MICAL2: variants seen among roughly 807,000 people sequenced by gnomAD.
The protein encoded by MICAL2 is [F-actin]-monooxygenase MICAL2.
In MICAL2, 77 loss-of-function variants were observed where a neutral mutation model predicts 127.3. The ratio of observed to expected loss-of-function variants is 0.60; its 90% CI spans 0.50 to 0.73. MICAL2 has a LOEUF of 0.73. MICAL2 is among the 30% of genes least tolerant of loss of function. MICAL2 has a pLI of 0.00. For missense variants in MICAL2, 1,351 were observed against 1,434.4 expected (o/e 0.94, Z 0.94); for synonymous variants, 570 against 551.1 (o/e 1.03, Z -0.48).
chr11:12,361,776 A>G (rs532426091), downstream of MICAL2, among the ~76,000 whole-genome samples: 5 of 152,376 alleles, frequency 3.3e-5, no homozygotes, highest in East Asian at 9.6e-4. Context: ...GCAGATTTAC[A>G]GGCTTTTCCT....
chr11:12,119,655 G>T (rs570622517), intron 1 of MICAL2, among the ~76,000 whole-genome samples: 1 of 152,156 alleles, frequency 6.6e-6, no homozygotes, highest in African/African-American at 2.4e-5. Context: ...GGCCGCCTGC[G>T]GATTGGCTGG....
chr11:12,261,139 G>A (rs1406949185), intron 26 of MICAL2: 1 of 985,522 alleles, frequency 1.0e-6, no homozygotes. Context: ...TTGGGACTGA[G>A]GGGGTTTGTT....
At chr11:12,276,240 T>A in intron 1 of MICAL2, 2 of 398,594 alleles carry the variant, frequency 5.0e-6, no homozygotes, top group Non-Finnish European at 8.8e-6. Context: ...GATTGGGTCT[T>A]CTCTCTACTT....
chr11:12,287,970 G>A (rs146852717), downstream of MICAL2, among the ~76,000 whole-genome samples: 52 of 152,264 alleles, frequency 3.4e-4, 1 homozygote, highest in South Asian at 7.5e-3. Flanking sequence ...GCTTAGACAG[G>A]GGTTTCTACC....
chr11:12,313,093 GA>G (rs1272562818), intron 29 of MICAL2, among the ~76,000 whole-genome samples: 3 of 149,174 alleles, frequency 2.0e-5, no homozygotes, highest in Admixed American at 6.8e-5. Flanking sequence ...GCGTGAACCG[GA>G]GAGGCGGAGC....
At chr11:12,192,576 G>A (rs964728923) in intron 3 of MICAL2, among the ~76,000 whole-genome samples, 3 of 152,182 alleles carry the variant, frequency 2.0e-5, no homozygotes, top group Middle Eastern at 3.4e-3. Context: ...TCAGGAGTTC[G>A]AGACCAGCCT....
At position 12,255,674 on chromosome 11, in the gene MICAL2, G is replaced by T. The variant is rs775988499; in HGVS notation, c.2879G>T (p.Gly960Val). 1 of 1,614,074 alleles carries T rather than the reference G, an allele frequency of 6.2e-7. No homozygotes were observed. Among genetic ancestry groups the T allele is most frequent in the East Asian group, 2.2e-5 (1 of 44,874 alleles). Residue 960 changes from glycine to valine, a missense_variant, in exon 23 of 28, where the codon GGG (glycine) becomes GTG (valine). Transcript: ENST00000683283. ...GTAGGGAAAGTGTCCAGCGGAATAG[G>T]GGCTGCAGCTGAAGTCCTGGTCAAT... ...LTVGKVSSGI[G>V]AAAEVLVNLY...
downstream of MICAL2, among the ~76,000 whole-genome samples, chr11:12,295,458 C>G (rs66503539): frequency 8.6e-6 from 1 of 116,648 alleles, no homozygotes. Flanking sequence ...TTTTTTTTTT[C>G]TTTTTTTTTA....
chr11:12,230,003 C>T (rs1256320819), intron 15 of MICAL2, among the ~76,000 whole-genome samples: 2 of 152,164 alleles, frequency 1.3e-5, no homozygotes, highest in East Asian at 1.9e-4. Context: ...TCTCTCAGAG[C>T]GATGGAGCAC....
chr11:12,350,625 T>C (rs1248920116), intron 33 of MICAL2, among the ~76,000 whole-genome samples: 1 of 152,174 alleles, frequency 6.6e-6, no homozygotes, highest in Non-Finnish European at 1.5e-5. Flanking sequence ...ACTATCACTC[T>C]TCCCTGCCTG....
chr11:12,209,020 A>T (rs1003545334), intron 5 of MICAL2, among the ~76,000 whole-genome samples: 3 of 150,612 alleles, frequency 2.0e-5, no homozygotes, highest in Non-Finnish European at 4.4e-5. Context: ...GCTTCACCTG[A>T]TTTTTTTTTT....
chr11:12,128,007 G>A (rs759317193), intron 1 of MICAL2, among the ~76,000 whole-genome samples: 41 of 152,174 alleles, frequency 2.7e-4, no homozygotes, highest in Non-Finnish European at 5.3e-4. Flanking sequence ...TATAATAAGT[G>A]CCTAAAAATA....
chr11:12,188,140 A>G (rs946567043), intron 3 of MICAL2, among the ~76,000 whole-genome samples: 7 of 152,256 alleles, frequency 4.6e-5, no homozygotes, highest in African/African-American at 1.7e-4. Context: ...CGCTGTACAT[A>G]TAAAATACTC....
At chr11:12,137,184 G>T (rs1323094383) in intron 1 of MICAL2, among the ~76,000 whole-genome samples, 1 of 152,238 alleles carries the variant, frequency 6.6e-6, no homozygotes, top group Non-Finnish European at 1.5e-5. Context: ...GCCCCGAGGG[G>T]TGTGGGCTTG....
At chr11:12,292,175 C>T (rs1269914223), downstream of MICAL2, 5 of 1,613,944 alleles carry the variant, frequency 3.1e-6, no homozygotes, top group East Asian at 4.5e-5. Context: ...AACTATGTCA[C>T]CTCCTAAGGA....
In MICAL2 at chr11:12,331,825, T is replaced by C. The variant is rs186554210; in HGVS notation, c.5515+4559T>C. ...ACAAAAGGGCCTGAAATAAAATAGG[T>C]ATCCAAAAATATTCCTTCTCTTTTC... On this transcript the variant is annotated intron_variant, in intron 32 of 34. Transcript: ENST00000646065. 3.4e-4 allele frequency among the ~76,000 whole-genome samples: 52 copies of C among 152,260 alleles called. 1 individual carries two copies. The highest frequency in any genetic ancestry group is 4.4e-5 in the Non-Finnish European group (3 of 68,016).
intron 7 of MICAL2, among the ~76,000 whole-genome samples, chr11:12,213,781 C>T (rs1406622537): frequency 1.3e-5 from 2 of 152,148 alleles, no homozygotes; most frequent in African/African-American, 4.8e-5. Flanking sequence ...AGCACCGCAC[C>T]TGAGGTCAGC....
chr11:12,294,990 G>A, downstream of MICAL2: 3 of 1,287,406 alleles, frequency 2.3e-6, no homozygotes, highest in Non-Finnish European at 3.0e-6. Context: ...AACTTTAAAG[G>A]CAAAAAATTT....
At chr11:12,140,498 CTTT>C (rs61115916) in intron 2 of MICAL2, among the ~76,000 whole-genome samples, 7 of 132,514 alleles carry the variant, frequency 5.3e-5, no homozygotes, top group Admixed American at 7.7e-5. Flanking sequence ...AACTTTGGCT[CTTT>C]TTTTTTTTTT....
Sources: allele counts gnomAD v4.1 joint callset (sites outside exome capture counted in the v4.1 genomes callset), GRCh38; gene constraint gnomAD v4.1.1; transcripts MANE v1.5; gene names NCBI Gene and HGNC (gene_info 2026-07-23, HGNC 2026-07-21).